Variants in RTN2 observed in about 807,000 individuals in gnomAD.
RTN2 encodes reticulon 2.
In RTN2, 36 loss-of-function variants were observed where a neutral mutation model predicts 63.7. The observed-to-expected ratio is 0.56, with a 90% confidence interval of 0.43 to 0.75. The LOEUF (loss-of-function observed/expected upper bound fraction) is 0.75. Among genes scored for constraint, RTN2 ranks in the 30% least tolerant of loss-of-function variants. The pLI, the probability that RTN2 is intolerant of heterozygous loss-of-function variation, is 0.00. For missense variants in RTN2, 673 were observed against 705.1 expected, an observed-to-expected ratio of 0.95 and a Z score of 0.52; for synonymous variants, 312 against 313.0, an observed-to-expected ratio of 1.00 and a Z score of 0.03.
At chr19:45,493,404 A>G (rs1274147439) in intron 4 of RTN2, 26 bp from the exon 5 acceptor site, 1 of 1,557,052 alleles carries the variant, frequency 6.4e-7, no homozygotes, top group South Asian at 1.1e-5. Flanking sequence ...ATTTTAAAGT[A>G]AGGCTGGGTC....
intron 4 of RTN2, among the ~76,000 whole-genome samples, chr19:45,493,586 C>A (rs1399953941): frequency 1.3e-5 from 2 of 151,794 alleles, no homozygotes; most frequent in Non-Finnish European, 2.9e-5. Flanking sequence ...TGAGCCACTG[C>A]GCCCGGCCAA....
Position 45,493,202 on chromosome 19 carries a change from C to A in RTN2, c.991G>T (p.Gly331Cys). 5.6e-6 allele frequency: 9 copies of A among 1,613,216 alleles called. No homozygotes were observed. The highest frequency in any genetic ancestry group is 7.6e-6 in the Non-Finnish European group (9 of 1,179,980). ...LKWAKSPRSS[G>C]VPSLSLGADM... ...GCTCCGAGTGAGAGGCTGGGGACAC[C>A]GCTGCTTCTCGGGGATTTTGCCCAC... The change falls in exon 5 of 11, where the codon GGT (glycine) becomes TGT (cysteine). Residue 331 changes from glycine to cysteine, a missense_variant. Transcript: ENST00000245923.
At position 45,487,032 on chromosome 19, in the gene RTN2, C is replaced by CTTTT. The variant is rs34799041; in HGVS notation, c.1498-923_1498-920dup. Among the ~76,000 whole-genome samples, 4 of 39,180 alleles carry CTTTT rather than the reference C, an allele frequency of 1.0e-4. 1 individual carries two copies. Among genetic ancestry groups the CTTTT allele is most frequent in the Non-Finnish European group, 1.8e-4 (4 of 21,684 alleles). 25.7% of individuals were successfully genotyped at this position (39,180 alleles called of 152,430 possible). A position where few individuals can be genotyped will look rare whatever the true frequency, so the allele number is the denominator to read the frequency against. ...ACAAGCGTGAGCCACCATGCCCAGCCTTTTTTTTTTTTTTTTTTTTTTTTT... is the reference window on the plus strand; with the variant it reads ...ACAAGCGTGAGCCACCATGCCCAGCCTTTTTTTTTTTTTTTTTTTTTTTTTTTTT... On this transcript the variant is annotated intron_variant, in intron 9 of 10. Coordinates refer to ENST00000245923, the MANE Select transcript of RTN2 (RefSeq NM_005619.5).
At position 45,488,670 on chromosome 19, in the gene RTN2, C is replaced by A; in HGVS notation, c.1417G>T (p.Ala473Ser). Residue 473 changes from alanine to serine, a missense_variant, in exon 8 of 11, where the codon GCC becomes TCC. Ala to Ser is a moderately conservative substitution (Grantham distance 99, BLOSUM62 1). Coordinates refer to ENST00000245923, the MANE Select transcript of RTN2 (RefSeq NM_005619.5). ...LLFYILTFVG[A>S]IFNGLTLLIL... Reference sequence around the variant, plus strand: ...AGAAGAGTCAAACCATTGAAGATGGCACCCACGAAGGTCAAGATGTAGAAG... The same window carrying A: ...AGAAGAGTCAAACCATTGAAGATGGAACCCACGAAGGTCAAGATGTAGAAG... 6.2e-7 allele frequency: 1 copy of A among 1,613,956 alleles called. No homozygotes were observed. The highest frequency in any genetic ancestry group is 1.7e-5 in the Admixed American group (1 of 59,978).
chr19:45,493,098 G>A (rs1968195786), intron 5 of RTN2, 62 bp downstream of exon 5: 16 of 1,454,644 alleles, frequency 1.1e-5, no homozygotes, highest in Non-Finnish European at 1.5e-5. Context: ...CAGGAGATAA[G>A]GGCGAGTTTG....
chr19:45,489,829 C>T (rs898650425), intron 5 of RTN2, among the ~76,000 whole-genome samples: 9 of 151,558 alleles, frequency 5.9e-5, no homozygotes, highest in African/African-American at 2.2e-4. Context: ...CAGGTGTGCA[C>T]CACCACTCAG....
chr19:45,487,416 C>A (rs931482764), intron 9 of RTN2, among the ~76,000 whole-genome samples: 1 of 151,926 alleles, frequency 6.6e-6, no homozygotes, highest in Admixed American at 6.6e-5. Context: ...GACTAACTGG[C>A]AGGGCATATT....
Position 45,493,214 on chromosome 19 carries a change from G to A in RTN2, c.979C>T (p.Pro327Ser). 1.2e-6 allele frequency: 2 copies of A among 1,613,642 alleles called. No individual in the cohort carries two copies. Among genetic ancestry groups the A allele is most frequent in the Non-Finnish European group, 1.7e-6 (2 of 1,180,012 alleles). ...AGGCTGGGGACACCGCTGCTTCTCG[G>A]GGATTTTGCCCACTTCAGTAGAACC... ...LRVLLKWAKS[P>S]RSSGVPSLSL... The change falls in exon 5 of 11, where the codon CCG becomes TCG. Residue 327 changes from proline (P) to serine (S), a missense_variant. Coordinates refer to ENST00000245923, the MANE Select transcript of RTN2 (RefSeq NM_005619.5).
intron 2 of RTN2, 42 bp downstream of exon 2, chr19:45,495,053 C>T (rs757634011): frequency 6.2e-7 from 1 of 1,614,054 alleles, no homozygotes; most frequent in African/African-American, 1.3e-5. Flanking sequence ...GGTCCCTGAG[C>T]TGCCCAGCCC....
At chr19:45,490,889 TTTG>T (rs1190550879) in intron 5 of RTN2, among the ~76,000 whole-genome samples, 2 of 146,838 alleles carry the variant, frequency 1.4e-5, no homozygotes, top group East Asian at 4.1e-4. Context: ...GGTTTGTTTG[TTTG>T]TTTTTTTTTT....
At chr19:45,495,481 G>T (rs1430745585) in intron 1 of RTN2, among the ~76,000 whole-genome samples, 2 of 152,188 alleles carry the variant, frequency 1.3e-5, no homozygotes, top group African/African-American at 4.8e-5. Flanking sequence ...CCCTCCTAGA[G>T]CTGACACTCT....
At chr19:45,490,026 AT>A (rs1290285425) in intron 5 of RTN2, among the ~76,000 whole-genome samples, 1 of 151,262 alleles carries the variant, frequency 6.6e-6, no homozygotes, top group Middle Eastern at 3.2e-3. Context: ...TTTTATTTTT[AT>A]TTTTTTCTCT....
At chr19:45,496,179 G>C (rs1334488185) in intron 1 of RTN2, among the ~76,000 whole-genome samples, 1 of 152,168 alleles carries the variant, frequency 6.6e-6, no homozygotes, top group Non-Finnish European at 1.5e-5. Context: ...ATTGAAATCT[G>C]ACGCCCTGTG....
Position 45,494,472 on chromosome 19 carries a change from A to T in RTN2, c.560-52T>A. On this transcript the variant is annotated intron_variant, in intron 3 of 10. Coordinates refer to ENST00000245923, the MANE Select transcript of RTN2 (RefSeq NM_005619.5). The surrounding 1 kb of genome is among the most constrained non-coding windows in gnomAD (Gnocchi z 5.3). ...GAGCTTTCTTCTTGGAGGTGCCCCA[A>T]GGAGAAACCACCCACCCCTCTTGGC... is the stretch of plus-strand genomic sequence containing the variant. The T allele has an allele frequency of 6.2e-7, 1 of 1,603,684 alleles. No individual in the cohort carries two copies. The highest frequency in any genetic ancestry group is 8.5e-7 in the Non-Finnish European group (1 of 1,173,374).
At chr19:45,496,421 C>T (rs1270619231) in intron 1 of RTN2, among the ~76,000 whole-genome samples, 1 of 152,210 alleles carries the variant, frequency 6.6e-6, no homozygotes, top group Non-Finnish European at 1.5e-5. Context: ...GAGCCAGACC[C>T]CTGTTTTCCA....
At chr19:45,496,717 C>T in intron 1 of RTN2, 75 bp downstream of exon 1, 2 of 1,045,704 alleles carry the variant, frequency 1.9e-6, no homozygotes, top group Non-Finnish European at 2.6e-6. Context: ...TGCGGGCAAG[C>T]GCCGAGGGGA....
chr19:45,496,667 C>T (rs1246604472), intron 1 of RTN2, 125 bp downstream of exon 1: 110 of 570,786 alleles, frequency 1.9e-4, no homozygotes, highest in Non-Finnish European at 5.2e-5. Flanking sequence ...GGGAGAGCTT[C>T]CTTTGTCTCC....
At chr19:45,489,150 G>C in intron 6 of RTN2, 164 bp from the exon 7 acceptor site, 1 of 920,736 alleles carries the variant, frequency 1.1e-6, no homozygotes, top group Non-Finnish European at 1.6e-6. Context: ...TCAGGGTCAG[G>C]GTCAGGGGAA....
chr19:45,495,791 G>A (rs1440556180), intron 1 of RTN2, among the ~76,000 whole-genome samples: 1 of 152,232 alleles, frequency 6.6e-6, no homozygotes, highest in African/African-American at 2.4e-5. Flanking sequence ...CTGGAGAAGA[G>A]TGACTGAGGA....
Sources: allele counts gnomAD v4.1 joint callset (sites outside exome capture counted in the v4.1 genomes callset), GRCh38; gene constraint gnomAD v4.1.1; non-coding constraint Gnocchi (gnomAD v3.1); transcripts MANE v1.5; gene names NCBI Gene and HGNC (gene_info 2026-07-23, HGNC 2026-07-21).